The following PAK1 variants were observed in gnomAD, a reference collection of about 807,000 sequenced individuals.
PAK1 encodes p21 (RAC1) activated kinase 1, also known as serine/threonine-protein kinase PAK 1.
In PAK1, 29 loss-of-function variants were observed where a neutral mutation model predicts 67.4. The observed-to-expected ratio is 0.43, with a 90% CI of 0.32 to 0.59. The LOEUF is 0.59. Ranked by LOEUF, PAK1 falls within the 20% of genes least tolerant of loss-of-function variation. PAK1 has a pLI of 0.07. For synonymous variants in PAK1, 223 were observed against 237.4 expected (o/e 0.94, Z 0.56); for missense variants, 337 against 670.7 (o/e 0.50, Z 5.50).
In PAK1 at chr11:77,376,135, C is replaced by T. The variant is rs11822062; in HGVS notation, c.440-1770G>A. Among the ~76,000 whole-genome samples the T allele has an allele frequency of 4.5e-3, 681 of 152,290 alleles. 6 individuals carry two copies. Among genetic ancestry groups the T allele is most frequent in the African/African-American group, 0.016 (648 of 41,562 alleles). On this transcript the variant is annotated intron_variant, in intron 4 of 14. Coordinates refer to ENST00000356341, the MANE Select transcript of PAK1 (RefSeq NM_002576.5). ...CTTCACTGCACTACCCCCAACTTTA[C>T]GTACTGCTAGTATTTTTGAAGATTG... is the stretch of plus-strand genomic sequence containing the variant.
chr11:77,476,271 G>A (rs1402462891), upstream of PAK1: 2 of 152,134 alleles, frequency 1.3e-5, no homozygotes, highest in African/African-American at 2.4e-5. Context: ...TACCCTCTAC[G>A]GTAGATACTG....
At chr11:77,519,679 G>A in the PAK1 span, among the ~76,000 whole-genome samples, 6 of 151,914 alleles carry the variant, frequency 3.9e-5, no homozygotes, top group Admixed American at 6.6e-5. Context: ...GCTGGGATTC[G>A]TCTGTAAAGA....
chr11:77,332,501 T>C (rs1366992325), intron 14 of PAK1, among the ~76,000 whole-genome samples: 1 of 150,362 alleles, frequency 6.7e-6, no homozygotes, highest in African/African-American at 2.5e-5. Flanking sequence ...GAAAATAGAT[T>C]GTAAACTGAG....
chr11:77,514,777 A>G, the PAK1 span, among the ~76,000 whole-genome samples: 6 of 152,118 alleles, frequency 3.9e-5, no homozygotes, highest in Admixed American at 3.9e-4. Flanking sequence ...AATTAGGGCC[A>G]TTTATCGAGT....
At chr11:77,513,499 G>A in the PAK1 span, among the ~76,000 whole-genome samples, 10 of 151,464 alleles carry the variant, frequency 6.6e-5, no homozygotes, top group East Asian at 3.9e-4. Flanking sequence ...GCAAAATCCC[G>A]TCTCTGCTAA....
chr11:77,449,449 T>G (rs186639773), intron 1 of PAK1, among the ~76,000 whole-genome samples: 1 of 151,896 alleles, frequency 6.6e-6, no homozygotes, highest in South Asian at 2.1e-4. Context: ...ACTGTACACA[T>G]AGAGAAACTG....
intron 14 of PAK1, among the ~76,000 whole-genome samples, 187 bp downstream of exon 14, chr11:77,332,543 G>C (rs78646643): frequency 0.061 from 9,309 of 151,464 alleles, 632 homozygotes; most frequent in East Asian, 0.24. Context: ...TTAACAGGCT[G>C]AGAAAGGCTA....
the PAK1 span, among the ~76,000 whole-genome samples, chr11:77,481,431 C>A: frequency 2.6e-4 from 40 of 152,202 alleles, no homozygotes; most frequent in African/African-American, 9.6e-4. Context: ...AATCCCAGCA[C>A]TTTGGGAGGC....
rs1223712092 is a variant in PAK1 at position 77,337,424 on chromosome 11, C to G, written c.1117-1G>C. 6.4e-7 allele frequency: 1 copy of G among 1,569,920 alleles called. No individual in the cohort carries two copies. ...GCAAGAACTCCAGAGCCTGCAGACA[C>G]TATTGAAGTGGTGTGGGCAGGGGGA... is the stretch of plus-strand genomic sequence containing the variant. On this transcript the variant is annotated splice_acceptor_variant, in intron 11 of 14. Transcript: ENST00000356341. LOFTEE classifies it high-confidence loss of function.
At chr11:77,327,322 CA>C (rs1591642261) in intron 14 of PAK1, among the ~76,000 whole-genome samples, 1 of 146,260 alleles carries the variant, frequency 6.8e-6, no homozygotes, top group East Asian at 2.0e-4. Context: ...AACTCCAAGA[CA>C]CATAATTGTC....
intron 2 of PAK1, among the ~76,000 whole-genome samples, chr11:77,380,893 C>T (rs910865245): frequency 2.0e-5 from 3 of 152,112 alleles, no homozygotes; most frequent in Non-Finnish European, 4.4e-5. Context: ...AAAATTCTCT[C>T]CAGGGCAGGA....
the PAK1 span, among the ~76,000 whole-genome samples, chr11:77,498,691 ATTTTTTT>A: frequency 1.2e-3 from 84 of 72,074 alleles, no homozygotes; most frequent in African/African-American, 3.6e-3. Context: ...CTTGCTTGTA[ATTTTTTT>A]TTTTTTTTTT....
the PAK1 span, among the ~76,000 whole-genome samples, chr11:77,502,658 G>A: frequency 6.6e-6 from 1 of 152,164 alleles, no homozygotes; most frequent in African/African-American, 2.4e-5. Flanking sequence ...CTTCTTCGCA[G>A]GAGCTTCCTG....
At chr11:77,400,234 A>G (rs2729771) in intron 1 of PAK1, among the ~76,000 whole-genome samples, 52,480 of 151,734 alleles carry the variant, frequency 0.35, 9,245 homozygotes, top group South Asian at 0.52. Flanking sequence ...CATAAATGTG[A>G]GAGTACAGTG....
chr11:77,373,562 TAAAAAAAAAA>T (rs34413403), intron 5 of PAK1, among the ~76,000 whole-genome samples: 1 of 120,776 alleles, frequency 8.3e-6, no homozygotes, highest in Non-Finnish European at 1.7e-5. Flanking sequence ...CTCGTCTCTT[TAAAAAAAAAA>T]AAAAAAAAAA....
At chr11:77,487,547 C>T in the PAK1 span, among the ~76,000 whole-genome samples, 73 of 152,090 alleles carry the variant, frequency 4.8e-4, no homozygotes, top group African/African-American at 1.7e-3. Flanking sequence ...ATATCTGGAC[C>T]TTCCCTGGGA....
At chr11:77,427,192 G>A (rs1351024030) in intron 1 of PAK1, among the ~76,000 whole-genome samples, 1 of 152,180 alleles carries the variant, frequency 6.6e-6, no homozygotes, top group Non-Finnish European at 1.5e-5. Context: ...CAGCCTAAGT[G>A]TCTCTGCAGA....
intron 1 of PAK1, among the ~76,000 whole-genome samples, chr11:77,426,229 G>A (rs977908441): frequency 2.0e-5 from 3 of 150,848 alleles, no homozygotes; most frequent in African/African-American, 2.5e-5. Flanking sequence ...TGACAAATGG[G>A]AACCACCACC....
At chr11:77,429,938 G>A (rs1179631685) in intron 1 of PAK1, among the ~76,000 whole-genome samples, 2 of 152,146 alleles carry the variant, frequency 1.3e-5, no homozygotes, top group African/African-American at 2.4e-5. Context: ...ATTCTCAAAT[G>A]ACCCAGAAAA....
Sources: allele counts gnomAD v4.1 joint callset (sites outside exome capture counted in the v4.1 genomes callset), GRCh38; gene constraint gnomAD v4.1.1; transcripts MANE v1.5; gene names NCBI Gene and HGNC (gene_info 2026-07-23, HGNC 2026-07-21).